Variants in DNAAF9 observed in about 807,000 individuals in gnomAD.
The protein encoded by DNAAF9 is dynein axonemal assembly factor 9.
DNAAF9 carries 90 observed loss-of-function variants against 167.0 expected under a neutral mutation model. The observed-to-expected ratio is 0.54, with a 90% CI of 0.45 to 0.64. DNAAF9 has a LOEUF of 0.64. Among genes scored for constraint, DNAAF9 ranks in the 30% least tolerant of loss-of-function variants. DNAAF9 has a pLI of 0.00. For missense variants in DNAAF9, 1,315 were observed against 1,442.2 expected (o/e 0.91, Z 1.43); for synonymous variants, 491 against 508.8 (o/e 0.96, Z 0.47).
At chr20:3,338,819 A>T (rs1365956508) in intron 10 of DNAAF9, among the ~76,000 whole-genome samples, 4 of 151,464 alleles carry the variant, frequency 2.6e-5, no homozygotes, top group African/African-American at 9.7e-5. Context: ...CACCCAGCTA[A>T]TTTTTTGTAT....
chr20:3,362,423 T>A (rs1036604539), intron 6 of DNAAF9: 1 of 429,940 alleles, frequency 2.3e-6, no homozygotes, highest in Non-Finnish European at 4.1e-6. Context: ...ACATTTTACA[T>A]TCCAATTTGC....
intron 7 of DNAAF9, among the ~76,000 whole-genome samples, chr20:3,354,904 ATGG>A (rs1445570977): frequency 8.5e-5 from 13 of 152,184 alleles, no homozygotes; most frequent in African/African-American, 2.9e-4. Flanking sequence ...TCTACAGCCC[ATGG>A]TGATCACCAC....
In DNAAF9 at chr20:3,324,980, T is replaced by C; in HGVS notation, c.1189-12A>G. 6.6e-7 allele frequency: 1 copy of C among 1,512,046 alleles called. No individual in the cohort carries two copies. Among genetic ancestry groups the C allele is most frequent in the South Asian group, 1.1e-5 (1 of 88,960 alleles). 93.7% of individuals were successfully genotyped at this position (1,512,046 alleles called of 1,614,324 possible). ...GCTACCTCCTTGGCCTGTAAAATAATAAGACAGCGACAATTAGCTTTCACA... is the reference window on the plus strand; with the variant it reads ...GCTACCTCCTTGGCCTGTAAAATAACAAGACAGCGACAATTAGCTTTCACA... On this transcript the variant is annotated splice_polypyrimidine_tract_variant and intron_variant, in intron 13 of 36. Coordinates refer to ENST00000252032, the MANE Select transcript of DNAAF9 (RefSeq NM_001009984.3).
At chr20:3,310,333 AAAAG>A (rs376196616) in intron 20 of DNAAF9, among the ~76,000 whole-genome samples, 3,885 of 106,092 alleles carry the variant, frequency 0.037, 87 homozygotes, top group African/African-American at 0.079. Flanking sequence ...AAGAGAAAGA[AAAAG>A]AAAGAAAGAA....
In DNAAF9 at chr20:3,387,135, G is replaced by C. The variant is rs6139105; in HGVS notation, c.84-4629C>G. ...TAATCCCTTCTCAAATCCCAATGAT[G>C]TTTTTTACAGAAGTAGAAAAATCCA... is the stretch of plus-strand genomic sequence containing the variant. On this transcript the variant is annotated intron_variant, in intron 1 of 36. Coordinates refer to ENST00000252032, the MANE Select transcript of DNAAF9 (RefSeq NM_001009984.3). Among the ~76,000 whole-genome samples, 870 of 152,226 alleles carry C rather than the reference G, an allele frequency of 5.7e-3. 54 individuals are homozygous for C. In the East Asian group the frequency reaches 0.14, roughly 25 times the overall value.
chr20:3,302,880 T>C (rs187474812), intron 21 of DNAAF9, among the ~76,000 whole-genome samples: 163 of 152,308 alleles, frequency 1.1e-3, no homozygotes, highest in Non-Finnish European at 1.6e-3. Flanking sequence ...TTTAAATGGA[T>C]ACAGTTAGTT....
Position 3,278,908 on chromosome 20 carries a change from T to G in DNAAF9, c.2650+4A>C. ...GCAGGCTGAAAATAAAGTATATTAC[T>G]TACCTTGTGAACACTGGTCAAGACA... On this transcript the variant is annotated splice_donor_region_variant and intron_variant, in intron 29 of 36. Coordinates refer to ENST00000252032, the MANE Select transcript of DNAAF9 (RefSeq NM_001009984.3). 6.3e-7 allele frequency: 1 copy of G among 1,591,780 alleles called. No individual in the cohort carries two copies. Among genetic ancestry groups the G allele is most frequent in the South Asian group, 1.1e-5 (1 of 90,560 alleles).
intron 33 of DNAAF9, among the ~76,000 whole-genome samples, chr20:3,257,308 C>A (rs866697461): frequency 3.3e-5 from 5 of 151,084 alleles, no homozygotes; most frequent in Admixed American, 2.6e-4. Flanking sequence ...CCCGGGAATT[C>A]GAGACCAGCC....
At chr20:3,292,570 C>T (rs2068979925) in intron 25 of DNAAF9, among the ~76,000 whole-genome samples, 2 of 150,594 alleles carry the variant, frequency 1.3e-5, no homozygotes. Flanking sequence ...AGATCAAGAC[C>T]AGCCTGGCAA....
chr20:3,394,120 C>G (rs557439203), intron 1 of DNAAF9, among the ~76,000 whole-genome samples: 2 of 152,214 alleles, frequency 1.3e-5, no homozygotes, highest in East Asian at 3.9e-4. Context: ...GGTGGATCAT[C>G]TGAGACCAGA....
In DNAAF9 at chr20:3,310,342, A is replaced by AAAGAAAGAAAGAAAGG. The variant is rs2069386613; in HGVS notation, c.1678+4690_1678+4691insCCTTTCTTTCTTTCTT. ...AAAGGAAAGAGAAAGAAAAAGAAAG[A>AAAGAAAGAAAGAAAGG]AAGAAAGAAAGAAAGAAAGAAAGAA... On this transcript the variant is annotated intron_variant, in intron 20 of 36. Coordinates refer to ENST00000252032, the MANE Select transcript of DNAAF9 (RefSeq NM_001009984.3). Among the ~76,000 whole-genome samples the AAAGAAAGAAAGAAAGG allele has an allele frequency of 2.9e-5, 4 of 139,306 alleles. No individual in the cohort carries two copies. The Admixed American group carries it at 2.9e-4, about 10-fold the overall frequency. 91.4% of individuals were successfully genotyped at this position (139,306 alleles called of 152,430 possible). A position where few individuals can be genotyped will look rare whatever the true frequency, so the allele number is the denominator to read the frequency against.
At chr20:3,306,117 C>T (rs1168456914) in intron 20 of DNAAF9, among the ~76,000 whole-genome samples, 4 of 152,180 alleles carry the variant, frequency 2.6e-5, no homozygotes, top group Non-Finnish European at 5.9e-5. Context: ...TCTGAATGTG[C>T]TCAGTCTTCC....
chr20:3,382,062 T>C (rs937748835), intron 2 of DNAAF9, among the ~76,000 whole-genome samples: 5 of 152,112 alleles, frequency 3.3e-5, no homozygotes, highest in African/African-American at 1.2e-4. Flanking sequence ...AAAAAGGAAA[T>C]TAAACAATAC....
chr20:3,365,566 A>G (rs2092989), intron 6 of DNAAF9, among the ~76,000 whole-genome samples: 25,222 of 151,664 alleles, frequency 0.17, 2,269 homozygotes, highest in Non-Finnish European at 0.19. Flanking sequence ...TAATTTTTGT[A>G]TTTTTAGTAG....
At chr20:3,299,543 C>T (rs771659160) in intron 21 of DNAAF9, among the ~76,000 whole-genome samples, 3 of 152,164 alleles carry the variant, frequency 2.0e-5, no homozygotes, top group Admixed American at 6.5e-5. Context: ...AACTGCCAGC[C>T]TCAAGTGATC....
At chr20:3,387,401 G>A (rs2083758372) in intron 1 of DNAAF9, among the ~76,000 whole-genome samples, 1 of 152,100 alleles carries the variant, frequency 6.6e-6, no homozygotes, top group Non-Finnish European at 1.5e-5. Flanking sequence ...CACTCAATAA[G>A]AATAGTCTTT....
intron 6 of DNAAF9, among the ~76,000 whole-genome samples, chr20:3,371,343 T>G (rs1474999338): frequency 2.6e-4 from 34 of 131,762 alleles, no homozygotes; most frequent in Admixed American, 3.8e-4. Flanking sequence ...CTTTTTTTTT[T>G]TTTTTTTTTT....
intron 20 of DNAAF9, among the ~76,000 whole-genome samples, chr20:3,305,220 C>T (rs928945079): frequency 2.6e-5 from 4 of 152,144 alleles, no homozygotes; most frequent in Admixed American, 6.5e-5. Flanking sequence ...CCCTAGGGAG[C>T]AGACCATGGA....
chr20:3,318,302 TA>T lies in DNAAF9; in HGVS notation c.1454del (p.Leu485Ter). ...FSESFLTSQI[L>X]VKEKDGTVTT... ...ACATATACTTACCCTTTTCTTTAAC[TA>T]AGATCTGAGAAGTCAAAAATGATTC... On this transcript the variant is annotated frameshift_variant, in exon 17 of 37. Transcript: ENST00000252032. LOFTEE classifies it high-confidence loss of function. The T allele has an allele frequency of 6.6e-7, 1 of 1,509,472 alleles. No homozygotes were observed. Among genetic ancestry groups the T allele is most frequent in the Non-Finnish European group, 9.2e-7 (1 of 1,088,786 alleles). 93.5% of individuals were successfully genotyped at this position (1,509,472 alleles called of 1,614,324 possible). A position where few individuals can be genotyped will look rare whatever the true frequency, so the allele number is the denominator to read the frequency against.
Sources: allele counts gnomAD v4.1 joint callset (sites outside exome capture counted in the v4.1 genomes callset), GRCh38; gene constraint gnomAD v4.1.1; transcripts MANE v1.5; gene names NCBI Gene and HGNC (gene_info 2026-07-23, HGNC 2026-07-21).